The following PLEK variants were observed in gnomAD, a reference collection of about 807,000 sequenced individuals.
The protein encoded by PLEK is pleckstrin, also known as platelet 47 kDa protein.
Under a neutral mutation model 43.9 loss-of-function variants are expected in PLEK, and 25 were observed. The ratio of observed to expected loss-of-function variants is 0.57; its 90% CI spans 0.41 to 0.79. The LOEUF (loss-of-function observed/expected upper bound fraction) is 0.79. Ranked by LOEUF, PLEK falls within the 30% of genes least tolerant of loss-of-function variation. The pLI is 0.00. For synonymous variants in PLEK, 152 were observed against 144.4 expected (o/e 1.05, Z -0.38); for missense variants, 396 against 413.3 (o/e 0.96, Z 0.36).
intron 1 of PLEK, among the ~76,000 whole-genome samples, chr2:68,369,969 T>C (rs1237282170): frequency 2.2e-5 from 3 of 137,494 alleles, no homozygotes; most frequent in South Asian, 5.5e-4. Context: ...TGAGTTTGTA[T>C]AGGCACAACA....
At chr2:68,386,464 T>A in intron 4 of PLEK, 38 bp from the exon 5 acceptor site, 2 of 1,553,524 alleles carry the variant, frequency 1.3e-6, no homozygotes, top group Non-Finnish European at 1.8e-6. Context: ...TGTTCTTCGG[T>A]AAGGAGAGTT....
At chr2:68,387,998 G>C (rs1673782017) in intron 5 of PLEK, 1 of 169,882 alleles carries the variant, frequency 5.9e-6, no homozygotes, top group South Asian at 1.6e-4. Context: ...GCTGGTGATA[G>C]TATTGCCAAT....
chr2:68,378,344 CA>C (rs1673545891), intron 1 of PLEK, among the ~76,000 whole-genome samples: 1 of 152,186 alleles, frequency 6.6e-6, no homozygotes, highest in Non-Finnish European at 1.5e-5. Flanking sequence ...CTAAATACTT[CA>C]AGCATCATTG....
chr2:68,367,342 G>T (rs557914557), intron 1 of PLEK, among the ~76,000 whole-genome samples: 1 of 151,766 alleles, frequency 6.6e-6, no homozygotes, highest in African/African-American at 2.4e-5. Context: ...TGTGACAGGC[G>T]TTTGTTGTAC....
At chr2:68,395,559 C>A in intron 8 of PLEK, 121 bp from the exon 9 acceptor site, 1 of 987,046 alleles carries the variant, frequency 1.0e-6, no homozygotes, top group Non-Finnish European at 1.6e-6. Flanking sequence ...TGTTTGAAAG[C>A]CACATAGTCA....
Position 68,393,160 on chromosome 2 carries a change from AG to A in PLEK, c.765del. On this transcript the variant is annotated splice_acceptor_variant, in intron 6 of 8. Transcript: ENST00000234313. LOFTEE classifies it high-confidence loss of function. The stretch of plus-strand genomic sequence containing the variant: ...TTCTTTTAATGTTGATCCTGGATAC[AG>A]GGGCATAGAAGGAAAAACTGGAAAG... 1 of 1,595,536 alleles carries A rather than the reference AG, an allele frequency of 6.3e-7. No individual in the cohort carries two copies. The highest frequency in any genetic ancestry group is 8.6e-7 in the Non-Finnish European group (1 of 1,163,084).
Position 68,380,300 on chromosome 2 carries a change from A to G in PLEK, c.43-28A>G, listed in dbSNP as rs143200058. 3.9e-3 allele frequency: 6,187 copies of G among 1,585,554 alleles called. 392 individuals are homozygous for G. In the Admixed American group the frequency reaches 0.099, roughly 25 times the overall value. On this transcript the variant is annotated intron_variant, in intron 1 of 8. Coordinates refer to ENST00000234313, the MANE Select transcript of PLEK (RefSeq NM_002664.3). ...ATACAGTTTGCAAAGAGCCCTGTCC[A>G]TCTCAGCTCTTTTGGTTGTCATTAC...
intron 1 of PLEK, among the ~76,000 whole-genome samples, chr2:68,376,771 A>C (rs955534997): frequency 6.6e-6 from 1 of 152,218 alleles, no homozygotes; most frequent in Non-Finnish European, 1.5e-5. Flanking sequence ...TGTTACAAAC[A>C]ATCCAATTAC....
chr2:68,393,149 A>G lies in PLEK; in HGVS notation c.763-13A>G, dbSNP rs1369597925. The G allele has an allele frequency of 1.9e-6, 3 of 1,556,762 alleles. No homozygotes were observed. The highest frequency in any genetic ancestry group is 2.7e-6 in the Non-Finnish European group (3 of 1,127,894). On this transcript the variant is annotated splice_polypyrimidine_tract_variant and intron_variant, in intron 6 of 8. Coordinates refer to ENST00000234313, the MANE Select transcript of PLEK (RefSeq NM_002664.3). ...TTCACCATCCCTTCTTTTAATGTTG[A>G]TCCTGGATACAGGGGCATAGAAGGA...
chr2:68,368,667 C>A (rs1038913762), intron 1 of PLEK, among the ~76,000 whole-genome samples: 1 of 152,228 alleles, frequency 6.6e-6, no homozygotes, highest in Admixed American at 6.5e-5. Flanking sequence ...TACTCGAATA[C>A]CTACTACTGA....
intron 3 of PLEK, 50 bp downstream of exon 3, chr2:68,380,954 A>T: frequency 6.7e-7 from 1 of 1,500,284 alleles, no homozygotes; most frequent in Non-Finnish European, 9.2e-7. Flanking sequence ...GAAAGACACA[A>T]ACATAGCAGA....
intron 2 of PLEK, 113 bp downstream of exon 2, chr2:68,380,596 C>A: frequency 2.2e-6 from 3 of 1,383,200 alleles, no homozygotes; most frequent in East Asian, 2.3e-5. Context: ...TCACCACCAC[C>A]CACACCCCAC....
At chr2:68,380,289 G>A (rs754791509) in intron 1 of PLEK, 39 bp from the exon 2 acceptor site, 6 of 1,545,268 alleles carry the variant, frequency 3.9e-6, no homozygotes, top group Non-Finnish European at 4.4e-6. Flanking sequence ...AGTTTGCAAA[G>A]AGCCCTGTCC....
intron 6 of PLEK, among the ~76,000 whole-genome samples, chr2:68,388,709 A>G (rs1185837087): frequency 6.6e-6 from 1 of 151,104 alleles, no homozygotes; most frequent in East Asian, 1.9e-4. Flanking sequence ...AAAGTAGGAA[A>G]ATGCCTCTTT....
At position 68,386,668 on chromosome 2, in the gene PLEK, T is replaced by C. The variant is rs1268976444; in HGVS notation, c.639T>C (p.Pro213=). The C allele has an allele frequency of 6.2e-7, 1 of 1,613,186 alleles. No individual in the cohort carries two copies. The highest frequency in any genetic ancestry group is 1.7e-5 in the Admixed American group (1 of 59,988). ...CTGAAAACCCTTTCCTGGACAACCC[T>C]GATGCCTTCTACTACTTTGTAAGAA... ...GTAENPFLDN[P]DAFYYFPDSG... The change falls in exon 5 of 9, where the codon CCT becomes CCC. Residue 213 remains proline, a synonymous_variant. Transcript: ENST00000234313.
Position 68,395,745 on chromosome 2 carries a change from C to T in PLEK, c.982C>T (p.Gln328Ter). 1 of 1,613,804 alleles carries T rather than the reference C, an allele frequency of 6.2e-7. No homozygotes were observed. Among genetic ancestry groups the T allele is most frequent in the Non-Finnish European group, 8.5e-7 (1 of 1,179,762 alleles). The part of the protein sequence containing the change: ...ITADEVHYFL[Q>*]AATPKERTEW... ...AGCAGATGAAGTGCACTATTTCTTG[C>T]AAGCAGCCACCCCCAAGGAGCGCAC... The change falls in exon 9 of 9, where the codon CAA becomes TAA. Residue 328 changes from glutamine to a stop codon, truncating the protein, a stop_gained. Coordinates refer to ENST00000234313, the MANE Select transcript of PLEK (RefSeq NM_002664.3). LOFTEE classifies it high-confidence loss of function.
chr2:68,368,852 T>C (rs908910650), intron 1 of PLEK, among the ~76,000 whole-genome samples: 21 of 152,218 alleles, frequency 1.4e-4, no homozygotes, highest in Admixed American at 1.4e-3. Flanking sequence ...GCAGCAGCGC[T>C]GACTCAGAAA....
At chr2:68,383,299 T>C (rs139178864) in intron 4 of PLEK, among the ~76,000 whole-genome samples, 2 of 152,212 alleles carry the variant, frequency 1.3e-5, no homozygotes, top group African/African-American at 4.8e-5. Context: ...CAAGCTCAAG[T>C]GGTTATTGTG....
At chr2:68,394,294 A>C in intron 8 of PLEK, 118 bp downstream of exon 8, 1 of 741,214 alleles carries the variant, frequency 1.3e-6, no homozygotes, top group Admixed American at 1.8e-5. Context: ...GGAATGGGGC[A>C]GGCATGGTGG....
Sources: allele counts gnomAD v4.1 joint callset (sites outside exome capture counted in the v4.1 genomes callset), GRCh38; gene constraint gnomAD v4.1.1; transcripts MANE v1.5; gene names NCBI Gene and HGNC (gene_info 2026-07-23, HGNC 2026-07-21).